ASPM: variants seen among roughly 807,000 people sequenced by gnomAD.
ASPM encodes assembly factor for spindle microtubules, also known as abnormal spindle-like microcephaly-associated protein.
Under a neutral mutation model 366.4 loss-of-function variants are expected in ASPM, and 256 were observed. That is an observed-to-expected ratio of 0.70 (90% CI 0.63 to 0.77). ASPM has a LOEUF of 0.77. Ranked by LOEUF, ASPM falls within the 30% of genes least tolerant of loss-of-function variation. The pLI, the probability that ASPM is intolerant of heterozygous loss-of-function variation, is 0.00. For missense variants in ASPM, 4,146 were observed against 4,090.4 expected (o/e 1.01, Z -0.37); for synonymous variants, 1,414 against 1,342.9 (o/e 1.05, Z -1.16).
Position 197,090,310 on chromosome 1 carries a change from C to A in ASPM, c.9715G>T (p.Val3239Phe), listed in dbSNP as rs761524939. The change falls in exon 24 of 28, where the codon GTT (valine) becomes TTT (phenylalanine). Residue 3239 changes from valine to phenylalanine, a missense_variant. Val to Phe is a conservative substitution (Grantham distance 50). Around this residue, in one of 3 missense-constraint regions of ASPM, gnomAD observed 3,624 missense variants for 3,591.7 expected, o/e 1.01. Transcript: ENST00000367409. ...IKAIRLSLQV[V>F]NREIREENKL... ...TTTTCTTCTCGAATCTCCCTATTAA[C>A]AACTTGAAGACTTAGTCGTATAGCT... is the stretch of plus-strand genomic sequence containing the variant. 4 of 1,612,852 alleles carry A rather than the reference C, an allele frequency of 2.5e-6. No homozygotes were observed. In the African/African-American group the frequency reaches 5.3e-5, roughly 22 times the overall value.
At chr1:197,093,731 G>A (rs1478748581) in intron 20 of ASPM, among the ~76,000 whole-genome samples, 1 of 151,798 alleles carries the variant, frequency 6.6e-6, no homozygotes, top group Admixed American at 6.6e-5. Context: ...CACAAAGTGA[G>A]CACATGATGC....
intron 10 of ASPM, among the ~76,000 whole-genome samples, 178 bp from the exon 11 acceptor site, chr1:197,125,369 A>G (rs1238046846): frequency 5.3e-5 from 8 of 152,178 alleles, no homozygotes; most frequent in Non-Finnish European, 1.0e-4. Flanking sequence ...TAGAGTTCTT[A>G]TTTTAAGTTT....
intron 5 of ASPM, among the ~76,000 whole-genome samples, chr1:197,133,929 A>G (rs1048882534): frequency 6.6e-6 from 1 of 152,206 alleles, no homozygotes; most frequent in Admixed American, 6.5e-5. Flanking sequence ...ATAATTTTTA[A>G]AAACCAATTG....
intron 5 of ASPM, among the ~76,000 whole-genome samples, chr1:197,134,862 C>G (rs1282231376): frequency 6.6e-6 from 1 of 152,164 alleles, no homozygotes; most frequent in African/African-American, 2.4e-5. Flanking sequence ...ATTGCATTGA[C>G]TGATGAGAGA....
In ASPM at chr1:197,094,137, A is replaced by G. The variant is rs1427391982; in HGVS notation, c.9031T>C (p.Trp3011Arg). ...ATCTTTGCAGGAAGTATAGCTCTCCATTTTCTCTGAATGATAATTGCTGAT... is the reference window on the plus strand; with the variant it reads ...ATCTTTGCAGGAAGTATAGCTCTCCGTTTTCTCTGAATGATAATTGCTGAT... Reference protein sequence around the residue: ...RASAIIIQRKWRAILPAKIAH... With the variant: ...RASAIIIQRKRRAILPAKIAH... The change falls in exon 20 of 28, where the codon TGG (tryptophan) becomes CGG (arginine). Residue 3011 changes from tryptophan (W) to arginine (R), a missense_variant. Trp to Arg is a moderately radical substitution (Grantham distance 101). Coordinates refer to ENST00000367409, the MANE Select transcript of ASPM (RefSeq NM_018136.5). 2 of 1,607,750 alleles carry G rather than the reference A, an allele frequency of 1.2e-6. No homozygotes were observed. Among genetic ancestry groups the G allele is most frequent in the African/African-American group, 1.3e-5 (1 of 74,676 alleles).
At chr1:197,095,439 C>A (rs1384037352) in intron 19 of ASPM, among the ~76,000 whole-genome samples, 1 of 132,730 alleles carries the variant, frequency 7.5e-6, no homozygotes, top group Middle Eastern at 3.6e-3. Flanking sequence ...AAGAAAAATT[C>A]TTATACTATG....
rs886045766 is a variant in ASPM, at chr1:197,101,398, T to C, written c.7853A>G (p.Lys2618Arg). 4.4e-6 allele frequency: 7 copies of C among 1,608,586 alleles called. No homozygotes were observed. In the Admixed American group the frequency reaches 5.0e-5, roughly 12 times the overall value. Residue 2618 changes from lysine to arginine, a missense_variant, in exon 18 of 28, where the codon AAA (lysine) becomes AGA (arginine). This residue lies in a region of ASPM where 3,624 missense variants were observed against 3,591.7 expected (regional missense o/e 1.01). Coordinates refer to ENST00000367409, the MANE Select transcript of ASPM (RefSeq NM_018136.5). ...CTGGTGCTGTTCCTGAATCTGTTTT[T>C]TTATGTTCATGTCCTGAAAACCTGC... ...VQAGFQDMNIKKQIQEQHQAA... is the reference protein window; with the variant it reads ...VQAGFQDMNIRKQIQEQHQAA...
In ASPM at chr1:197,139,766, C is replaced by T; in HGVS notation, c.2026+1G>A. 6.3e-7 allele frequency: 1 copy of T among 1,579,628 alleles called. No homozygotes were observed. The highest frequency in any genetic ancestry group is 8.7e-7 in the Non-Finnish European group (1 of 1,148,650). ...AGAGTTTAAGTATAATAAATACTTG[C>T]CTGTTTTTAATGGTTTTATGAAGGT... On this transcript the variant is annotated splice_donor_variant, in intron 4 of 27. Coordinates refer to ENST00000367409, the MANE Select transcript of ASPM (RefSeq NM_018136.5). LOFTEE classifies it high-confidence loss of function.
rs767803489 is a variant in ASPM at position 197,143,186 on chromosome 1, T to C, written c.1066A>G (p.Thr356Ala). 1 of 1,613,580 alleles carries C rather than the reference T, an allele frequency of 6.2e-7. No individual in the cohort carries two copies. The highest frequency in any genetic ancestry group is 8.5e-7 in the Non-Finnish European group (1 of 1,179,640). Residue 356 changes from threonine to alanine, a missense_variant, in exon 3 of 28, where the codon ACA (threonine) becomes GCA (alanine). Coordinates refer to ENST00000367409, the MANE Select transcript of ASPM (RefSeq NM_018136.5). ...DNSQPVHLES[T>A]IAHEIYQKIL... ...TTCTGATAAATTTCATGTGCAATTG[T>C]TGATTCCAAATGCACAGGCTGTGAA...
At position 197,142,936 on chromosome 1, in the gene ASPM, G is replaced by A. The variant is rs1303471140; in HGVS notation, c.1316C>T (p.Pro439Leu). 6.2e-7 allele frequency: 1 copy of A among 1,613,936 alleles called. No individual in the cohort carries two copies. The highest frequency in any genetic ancestry group is 8.5e-7 in the Non-Finnish European group (1 of 1,179,860). The change falls in exon 3 of 28, where the codon CCT (proline) becomes CTT (leucine). Residue 439 changes from proline to leucine, a missense_variant. Physicochemically the swap from Pro to Leu is moderately conservative, Grantham distance 98. Around this residue, in one of 3 missense-constraint regions of ASPM, gnomAD observed 3,624 missense variants for 3,591.7 expected, o/e 1.01. Coordinates refer to ENST00000367409, the MANE Select transcript of ASPM (RefSeq NM_018136.5). The part of the protein sequence containing the change: ...WRKSEVSPRI[P>L]ECQGSKSPKA... Reference sequence around the variant, plus strand: ...GGGAGATTTTGAACCCTGACATTCAGGAATACGTGGCGAAACTTCACTTTT... The same window carrying A: ...GGGAGATTTTGAACCCTGACATTCAAGAATACGTGGCGAAACTTCACTTTT...
intron 12 of ASPM, 142 bp from the exon 13 acceptor site, chr1:197,124,473 A>C (rs1323987451): frequency 4.2e-6 from 3 of 711,962 alleles, no homozygotes; most frequent in Non-Finnish European, 6.9e-6. Context: ...AAAGAAAATA[A>C]AGTGCCTGAA....
chr1:197,124,137 A>T lies in ASPM; in HGVS notation c.3363T>A (p.Asn1121Lys). 1 of 1,612,364 alleles carries T rather than the reference A, an allele frequency of 6.2e-7. No individual in the cohort carries two copies. Among genetic ancestry groups the T allele is most frequent in the Middle Eastern group, 1.7e-4 (1 of 6,040 alleles). Residue 1121 changes from asparagine (N) to lysine (K), a missense_variant, in exon 13 of 28, where the codon AAT becomes AAA. Coordinates refer to ENST00000367409, the MANE Select transcript of ASPM (RefSeq NM_018136.5). ...TTTTATTATAGAAGGCACAAACAGC[A>T]TTTACCCAATCCATCAATAACTTTA... The part of the protein sequence containing the change: ...ENIKLLMDWV[N>K]AVCAFYNKKV...
At chr1:197,112,239 T>C (rs1425687840) in intron 17 of ASPM, among the ~76,000 whole-genome samples, 3 of 152,146 alleles carry the variant, frequency 2.0e-5, no homozygotes, top group African/African-American at 7.2e-5. Context: ...GCCATTATCC[T>C]TAGCAAACTA....
intron 1 of ASPM, 64 bp from the exon 2 acceptor site, chr1:197,144,164 T>C (rs921343498): frequency 3.7e-5 from 43 of 1,167,380 alleles, no homozygotes; most frequent in Non-Finnish European, 5.2e-5. Context: ...AAACACCTTA[T>C]ATACAACTTA....
intron 16 of ASPM, among the ~76,000 whole-genome samples, chr1:197,120,685 C>A (rs905177336): frequency 6.6e-5 from 10 of 152,068 alleles, no homozygotes; most frequent in African/African-American, 2.4e-4. Context: ...AGGGGAGACA[C>A]TTTTCTGAAC....
At chr1:197,091,779 A>T in intron 22 of ASPM, 128 bp downstream of exon 22, 1 of 923,276 alleles carries the variant, frequency 1.1e-6, no homozygotes, top group Non-Finnish European at 1.6e-6. Context: ...TCATTGTAAC[A>T]GCTATAAGGT....
rs762313773 is a variant in ASPM at position 197,101,953 on chromosome 1, G to A, written c.7298C>T (p.Ala2433Val). ...ATATTTCCTCTGAACAAAAATAGTA[G>A]CTTTTTTGAGGGAAATGAATCTTCT... Reference protein sequence around the residue: ...VRRRFISLKKATIFVQRKYRA... With the variant: ...VRRRFISLKKVTIFVQRKYRA... The change falls in exon 18 of 28, where the codon GCT (alanine) becomes GTT (valine). Residue 2433 changes from alanine (A) to valine (V), a missense_variant. Ala to Val is a moderately conservative substitution (Grantham distance 64). Coordinates refer to ENST00000367409, the MANE Select transcript of ASPM (RefSeq NM_018136.5). 2 of 1,612,708 alleles carry A rather than the reference G, an allele frequency of 1.2e-6. No individual in the cohort carries two copies. The highest frequency in any genetic ancestry group is 1.7e-6 in the Non-Finnish European group (2 of 1,179,286).
At position 197,122,369 on chromosome 1, in the gene ASPM, G is replaced by T. The variant is rs766202556; in HGVS notation, c.3598+19C>A. The T allele has an allele frequency of 1.2e-6, 2 of 1,613,524 alleles. No homozygotes were observed. The highest frequency in any genetic ancestry group is 1.7e-4 in the Middle Eastern group (1 of 6,060). On this transcript the variant is annotated intron_variant, in intron 14 of 27. Coordinates refer to ENST00000367409, the MANE Select transcript of ASPM (RefSeq NM_018136.5). ...TCAGACATGGCAAAAAATTGGAAAA[G>T]TAACCAAAAGGGACTAACCATGATC...
At position 197,146,559 on chromosome 1, in the gene ASPM, G is replaced by A; in HGVS notation, c.-122C>T. On this transcript the variant is annotated 5_prime_UTR_variant, in exon 1 of 28. Coordinates refer to ENST00000367409, the MANE Select transcript of ASPM (RefSeq NM_018136.5). ...GGGCGGCTGTAGAGGTCGTGGGAGT[G>A]AATTCGGCCCTTTTTCTTTTCCACT... 8 of 1,048,070 alleles carry A rather than the reference G, an allele frequency of 7.6e-6. No homozygotes were observed. Among genetic ancestry groups the A allele is most frequent in the East Asian group, 2.6e-5 (1 of 39,100 alleles). The allele number at this position is 1,048,070 out of a possible 1,614,324, so 64.9% of individuals were successfully genotyped here.
Sources: allele counts gnomAD v4.1 joint callset (sites outside exome capture counted in the v4.1 genomes callset), GRCh38; gene constraint gnomAD v4.1.1; regional missense constraint gnomAD v4.1.1; transcripts MANE v1.5; gene names NCBI Gene and HGNC (gene_info 2026-07-23, HGNC 2026-07-21).